The following HS3ST5 variants were observed in gnomAD, a reference collection of about 807,000 sequenced individuals.
HS3ST5 encodes heparan sulfate-glucosamine 3-sulfotransferase 5.
HS3ST5 carries 10 observed loss-of-function variants against 25.4 expected under a neutral mutation model. The observed-to-expected ratio is 0.39, with a 90% CI of 0.24 to 0.67. The LOEUF is 0.67. Among genes scored for constraint, HS3ST5 ranks in the 30% least tolerant of loss-of-function variants. The probability of loss-of-function intolerance (pLI) is 0.44; values close to 1 mark genes in which losing one functional copy is unlikely to be tolerated. For synonymous variants in HS3ST5, 170 were observed against 162.4 expected, an observed-to-expected ratio of 1.05 and a Z score of -0.36; for missense variants, 324 against 420.7, an observed-to-expected ratio of 0.77 and a Z score of 2.01.
At chr6:114,236,192 TA>T (rs200420285) in intron 1 of HS3ST5, among the ~76,000 whole-genome samples, 1,915 of 152,304 alleles carry the variant, frequency 0.013, 40 homozygotes, top group African/African-American at 0.044. Context: ...TCAGGTCTTC[TA>T]AAAAAGTGCT....
chr6:114,080,907 A>T (rs1002610914), intron 3 of HS3ST5, among the ~76,000 whole-genome samples: 86 of 152,294 alleles, frequency 5.6e-4, no homozygotes, highest in African/African-American at 1.9e-3. Flanking sequence ...ACAAACTTGC[A>T]CATGTACCCC....
At chr6:114,333,232 C>G (rs1776475291) in intron 1 of HS3ST5, among the ~76,000 whole-genome samples, 1 of 152,152 alleles carries the variant, frequency 6.6e-6, no homozygotes, top group Non-Finnish European at 1.5e-5. Flanking sequence ...TGACAGACTA[C>G]AAGTGGGAGG....
chr6:114,302,324 C>T (rs981742170), intron 1 of HS3ST5, among the ~76,000 whole-genome samples: 6 of 152,158 alleles, frequency 3.9e-5, no homozygotes, highest in African/African-American at 1.4e-4. Context: ...ATTATTATTT[C>T]ATGATCACTA....
intron 1 of HS3ST5, among the ~76,000 whole-genome samples, chr6:114,257,440 G>A (rs895462100): frequency 2.0e-5 from 3 of 152,114 alleles, no homozygotes; most frequent in Non-Finnish European, 2.9e-5. Context: ...AGAACACTAA[G>A]GTTCAGGGAG....
intron 1 of HS3ST5, among the ~76,000 whole-genome samples, chr6:114,246,780 G>A (rs896189441): frequency 7.2e-5 from 11 of 152,124 alleles, no homozygotes; most frequent in African/African-American, 1.2e-4. Flanking sequence ...TGTAGTCACC[G>A]AAAAGAATAT....
At chr6:114,291,607 T>C (rs1486265632) in intron 1 of HS3ST5, among the ~76,000 whole-genome samples, 1 of 152,178 alleles carries the variant, frequency 6.6e-6, no homozygotes, top group Non-Finnish European at 1.5e-5. Flanking sequence ...TTGTAATGTC[T>C]AGACAGGATG....
intron 3 of HS3ST5, among the ~76,000 whole-genome samples, chr6:114,136,734 C>G (rs1221016153): frequency 1.3e-5 from 2 of 152,100 alleles, no homozygotes; most frequent in East Asian, 1.9e-4. Flanking sequence ...AATTCAAAAG[C>G]CTTGTTTTGT....
intron 3 of HS3ST5, among the ~76,000 whole-genome samples, chr6:114,066,583 A>G (rs1464411219): frequency 1.3e-5 from 2 of 152,204 alleles, no homozygotes; most frequent in Non-Finnish European, 2.9e-5. Context: ...TAGTGAACCA[A>G]GATTGTGCCA....
chr6:114,149,178 C>T (rs753145850), intron 3 of HS3ST5, among the ~76,000 whole-genome samples: 2 of 152,172 alleles, frequency 1.3e-5, no homozygotes, highest in East Asian at 1.9e-4. Context: ...TGTGGCGATT[C>T]CTCAAGGATC....
chr6:114,148,287 A>G (rs1778267186), intron 3 of HS3ST5, among the ~76,000 whole-genome samples: 1 of 152,172 alleles, frequency 6.6e-6, no homozygotes, highest in African/African-American at 2.4e-5. Flanking sequence ...TTAACTCAAC[A>G]TGGATTAAAG....
intron 1 of HS3ST5, among the ~76,000 whole-genome samples, chr6:114,273,981 A>G (rs544088738): frequency 2.0e-5 from 3 of 152,206 alleles, no homozygotes; most frequent in African/African-American, 7.2e-5. Context: ...CCATGTTTAC[A>G]TATGTGGGAA....
At chr6:114,072,947 T>C (rs1773907633) in intron 3 of HS3ST5, among the ~76,000 whole-genome samples, 1 of 152,092 alleles carries the variant, frequency 6.6e-6, no homozygotes, top group Non-Finnish European at 1.5e-5. Context: ...AAAACAGATA[T>C]ATAGACCAAT....
intron 1 of HS3ST5, among the ~76,000 whole-genome samples, chr6:114,332,299 T>C (rs1776432789): frequency 6.6e-6 from 1 of 152,196 alleles, no homozygotes; most frequent in South Asian, 2.1e-4. Context: ...CATTTTCTTA[T>C]ATCGTGCCCT....
At chr6:114,099,125 G>C (rs980654719) in intron 3 of HS3ST5, among the ~76,000 whole-genome samples, 1 of 152,102 alleles carries the variant, frequency 6.6e-6, no homozygotes, top group African/African-American at 2.4e-5. Flanking sequence ...TTGCAGAAAG[G>C]GCTGCTCTTC....
At chr6:114,323,496 G>A (rs1461170784) in intron 1 of HS3ST5, among the ~76,000 whole-genome samples, 1 of 151,958 alleles carries the variant, frequency 6.6e-6, no homozygotes, top group Non-Finnish European at 1.5e-5. Context: ...AATTTTGGCA[G>A]GAATCAGAAA....
Position 114,078,381 on chromosome 6 carries a change from A to AT in HS3ST5, c.-32-15505dup, listed in dbSNP as rs939391702. On this transcript the variant is annotated intron_variant, in intron 3 of 4. Transcript: ENST00000312719. ...ACCACCAAGCCCAGCTAATTTTGGTATTTTTTTTAGTAGAGACGGGTTTTC... is the reference window on the plus strand; with the variant it reads ...ACCACCAAGCCCAGCTAATTTTGGTATTTTTTTTTAGTAGAGACGGGTTTTC... Among the ~76,000 whole-genome samples the AT allele has an allele frequency of 5.2e-4, 78 of 151,424 alleles. 1 individual carries two copies. The highest frequency in any genetic ancestry group is 1.7e-3 in the African/African-American group (71 of 41,276).
At chr6:114,341,222 G>GGAGAGA (rs4034605) in intron 1 of HS3ST5, among the ~76,000 whole-genome samples, 4,416 of 46,522 alleles carry the variant, frequency 0.095, 572 homozygotes, top group Non-Finnish European at 0.12. Context: ...GGAGAGAGGG[G>GGAGAGA]GAGAGAGAGA....
chr6:114,191,577 T>C (rs1780503227), intron 2 of HS3ST5, among the ~76,000 whole-genome samples: 1 of 152,218 alleles, frequency 6.6e-6, no homozygotes, highest in African/African-American at 2.4e-5. Context: ...GCTGGCTAAG[T>C]GGCAGAGACT....
At chr6:114,146,099 T>TA (rs1385077816) in intron 3 of HS3ST5, among the ~76,000 whole-genome samples, 2 of 152,036 alleles carry the variant, frequency 1.3e-5, no homozygotes, top group African/African-American at 2.4e-5. Flanking sequence ...CTACTAAAAT[T>TA]AAAAAAAATT....
Sources: gnomAD v4.1 joint callset for allele counts (sites outside exome capture counted in the v4.1 genomes callset) on GRCh38, gnomAD v4.1.1 for gene constraint, MANE v1.5 for transcripts, NCBI Gene and HGNC (gene_info 2026-07-23, HGNC 2026-07-21) for gene names.